The following SLCO2A1 variants were observed in gnomAD, a reference collection of about 807,000 sequenced individuals.
The protein encoded by SLCO2A1 is matrin F/G 1.
In SLCO2A1, 60 loss-of-function variants were observed where a neutral mutation model predicts 71.7. The ratio of observed to expected loss-of-function variants is 0.84; its 90% confidence interval spans 0.68 to 1.04. The LOEUF is 1.04. Among genes scored for constraint, SLCO2A1 ranks in the 50% least tolerant of loss-of-function variants. SLCO2A1 has a pLI of 0.00. For missense variants in SLCO2A1, 745 were observed against 813.4 expected (o/e 0.92, Z 1.02); for synonymous variants, 308 against 326.7 (o/e 0.94, Z 0.62).
In SLCO2A1 at chr3:133,948,625, GAGA is replaced by G; in HGVS notation, c.1013_1015del (p.Phe338del). ...GGTGGAGAGGCCAGCAATGACGGAG[GAGA>G]AGGTGCACTGGGCCAGGACCACCAG... On this transcript the variant is annotated inframe_deletion, in exon 8 of 14. Coordinates refer to ENST00000310926, the MANE Select transcript of SLCO2A1 (RefSeq NM_005630.3). The G allele has an allele frequency of 6.2e-7, 1 of 1,614,182 alleles. No homozygotes were observed. The highest frequency in any genetic ancestry group is 1.7e-5 in the Admixed American group (1 of 60,026).
intron 5 of SLCO2A1, among the ~76,000 whole-genome samples, chr3:133,951,810 C>G (rs1368760655): frequency 6.6e-6 from 1 of 152,202 alleles, no homozygotes; most frequent in Non-Finnish European, 1.5e-5. Context: ...AGTGCCATTT[C>G]ATTGGTCAAT....
intron 1 of SLCO2A1, among the ~76,000 whole-genome samples, chr3:134,018,994 C>A (rs555084435): frequency 6.6e-6 from 1 of 152,274 alleles, no homozygotes; most frequent in African/African-American, 2.4e-5. Flanking sequence ...GGTATCAGCC[C>A]GTTAGCCACT....
intron 1 of SLCO2A1, among the ~76,000 whole-genome samples, chr3:134,027,021 C>T (rs557532311): frequency 6.6e-6 from 1 of 152,300 alleles, no homozygotes; most frequent in East Asian, 1.9e-4. Context: ...ACCTATACTT[C>T]TTCAAATGAT....
intron 10 of SLCO2A1, among the ~76,000 whole-genome samples, chr3:133,943,215 G>C (rs923331045): frequency 6.6e-6 from 1 of 152,240 alleles, no homozygotes; most frequent in African/African-American, 2.4e-5. Context: ...CCTGGGTTCT[G>C]ATTCTGTCAG....
chr3:134,016,823 C>T lies in SLCO2A1; in HGVS notation c.96+12884G>A, dbSNP rs74942184. Among the ~76,000 whole-genome samples, 854 of 152,190 alleles carry T rather than the reference C, an allele frequency of 5.6e-3. 10 individuals carry two copies. Among genetic ancestry groups the T allele is most frequent in the East Asian group, 0.047 (245 of 5,182 alleles). On this transcript the variant is annotated intron_variant, in intron 1 of 13. Coordinates refer to ENST00000310926, the MANE Select transcript of SLCO2A1 (RefSeq NM_005630.3). The stretch of plus-strand genomic sequence containing the variant: ...GTGAACGTTTAAACAAATTATGGTA[C>T]GGTCATACCATGGAATATTACTCAG...
At chr3:133,950,157 G>A (rs1354918167) in intron 6 of SLCO2A1, among the ~76,000 whole-genome samples, 6 of 151,942 alleles carry the variant, frequency 3.9e-5, no homozygotes, top group African/African-American at 1.2e-4. Context: ...CAACTCAGCT[G>A]GTTTATAAGT....
At chr3:133,941,525 G>A (rs565809429) in intron 11 of SLCO2A1, among the ~76,000 whole-genome samples, 9 of 152,084 alleles carry the variant, frequency 5.9e-5, no homozygotes, top group Non-Finnish European at 7.4e-5. Context: ...CTCTGCTTGC[G>A]AGGTGAGTGA....
intron 3 of SLCO2A1, among the ~76,000 whole-genome samples, chr3:133,956,504 G>A (rs1244915695): frequency 6.6e-6 from 1 of 152,230 alleles, no homozygotes; most frequent in Non-Finnish European, 1.5e-5. Flanking sequence ...AGGAAAGGAA[G>A]CCAAGGCGTC....
chr3:133,977,015 A>T (rs567224304), intron 2 of SLCO2A1, among the ~76,000 whole-genome samples: 1 of 152,248 alleles, frequency 6.6e-6, no homozygotes, highest in South Asian at 2.1e-4. Context: ...TGCTTCCTGG[A>T]GGTTCACCGC....
intron 11 of SLCO2A1, among the ~76,000 whole-genome samples, chr3:133,940,050 C>T (rs1482879276): frequency 6.6e-6 from 1 of 150,900 alleles, no homozygotes; most frequent in Non-Finnish European, 1.5e-5. Flanking sequence ...TCACTGCAAC[C>T]TCCACTTCCC....
intron 10 of SLCO2A1, among the ~76,000 whole-genome samples, chr3:133,943,797 C>G (rs964527375): frequency 1.3e-5 from 2 of 152,228 alleles, no homozygotes; most frequent in African/African-American, 2.4e-5. Context: ...CTTGTCCTTC[C>G]TCTGCCTGGG....
chr3:134,012,853 T>C (rs1458067207), intron 1 of SLCO2A1, among the ~76,000 whole-genome samples: 2 of 151,958 alleles, frequency 1.3e-5, no homozygotes, highest in Non-Finnish European at 2.9e-5. Flanking sequence ...GCACTTCCCC[T>C]GCACCACAGT....
chr3:133,958,269 G>A (rs924115813), intron 3 of SLCO2A1, among the ~76,000 whole-genome samples: 2 of 152,160 alleles, frequency 1.3e-5, no homozygotes, highest in Admixed American at 6.5e-5. Flanking sequence ...CCCTGAATTC[G>A]TGGCTCTCTA....
chr3:134,006,069 T>G (rs555315310), intron 1 of SLCO2A1, among the ~76,000 whole-genome samples: 7 of 152,262 alleles, frequency 4.6e-5, no homozygotes, highest in Non-Finnish European at 1.0e-4. Context: ...CCTTTTTTAT[T>G]AATACTATTT....
At chr3:133,981,974 C>CAAAAAAAAAAAAAAAAAAAAAAA (rs34863339) in intron 1 of SLCO2A1, among the ~76,000 whole-genome samples, 1 of 109,814 alleles carries the variant, frequency 9.1e-6, no homozygotes, top group African/African-American at 3.8e-5. Context: ...GACTCCGTCT[C>CAAAAAAAAAAAAAAAAAAAAAAA]AAAAAAAAAA....
chr3:133,946,848 C>T (rs1016568500), intron 9 of SLCO2A1, among the ~76,000 whole-genome samples: 1 of 152,102 alleles, frequency 6.6e-6, no homozygotes, highest in African/African-American at 2.4e-5. Flanking sequence ...GGCGGGGTGG[C>T]TCACACCTGT....
chr3:134,004,669 A>C (rs966537430), intron 1 of SLCO2A1, among the ~76,000 whole-genome samples: 2 of 152,184 alleles, frequency 1.3e-5, no homozygotes, highest in African/African-American at 2.4e-5. Context: ...AAGGGTCCAA[A>C]ACAAAAAAAG....
chr3:133,944,361 G>A (rs900450599), intron 10 of SLCO2A1, among the ~76,000 whole-genome samples: 2 of 152,178 alleles, frequency 1.3e-5, no homozygotes, highest in Non-Finnish European at 2.9e-5. Context: ...CAGCACTCAC[G>A]GCTGTGCCCA....
chr3:133,979,803 G>A (rs930223692), intron 1 of SLCO2A1, among the ~76,000 whole-genome samples, 185 bp from the exon 2 acceptor site: 5 of 152,164 alleles, frequency 3.3e-5, no homozygotes, highest in Non-Finnish European at 7.4e-5. Context: ...CCTACAGGAA[G>A]CACTCCTAAA....
Sources: allele counts gnomAD v4.1 joint callset (sites outside exome capture counted in the v4.1 genomes callset), GRCh38; gene constraint gnomAD v4.1.1; transcripts MANE v1.5; gene names NCBI Gene and HGNC (gene_info 2026-07-23, HGNC 2026-07-21).